Variants in PTPRD observed in about 807,000 individuals in gnomAD.
PTPRD encodes protein tyrosine phosphatase receptor type D.
In PTPRD, 34 loss-of-function variants were observed where a neutral mutation model predicts 214.5. That is an observed-to-expected ratio of 0.16 (90% CI 0.12 to 0.21). The LOEUF is 0.21. Ranked by LOEUF, PTPRD falls within the 10% of genes least tolerant of loss-of-function variation. The pLI is 1.00. For synonymous variants in PTPRD, 1,128 were observed against 845.7 expected, an observed-to-expected ratio of 1.33 and a Z score of -5.79; for missense variants, 2,545 against 2,398.7, an observed-to-expected ratio of 1.06 and a Z score of -1.27.
chr9:9,741,302 A>G (rs1422462124), intron 6 of PTPRD, among the ~76,000 whole-genome samples: 1 of 152,166 alleles, frequency 6.6e-6, no homozygotes, highest in East Asian at 1.9e-4. Flanking sequence ...AAAGAAGGAC[A>G]CAGAATTAAT....
intron 8 of PTPRD, among the ~76,000 whole-genome samples, chr9:9,505,417 G>T (rs1166431174): frequency 6.6e-6 from 1 of 151,432 alleles, no homozygotes; most frequent in African/African-American, 2.4e-5. Flanking sequence ...AATATAGGAT[G>T]TAAATATTTA....
intron 7 of PTPRD, among the ~76,000 whole-genome samples, chr9:9,606,561 G>T (rs186017081): frequency 6.6e-6 from 1 of 152,154 alleles, no homozygotes; most frequent in East Asian, 1.9e-4. Flanking sequence ...AATCTTGGCA[G>T]AAAGCTGTGC....
At position 8,826,876 on chromosome 9, in the gene PTPRD, G is replaced by T. The variant is rs916867590; in HGVS notation, c.-103-92930C>A. Among the ~76,000 whole-genome samples, 3 of 152,002 alleles carry T rather than the reference G, an allele frequency of 2.0e-5. No individual in the cohort carries two copies. In the East Asian group the frequency reaches 5.8e-4, roughly 29 times the overall value. On this transcript the variant is annotated intron_variant, in intron 11 of 45. Transcript: ENST00000381196. ...CCCAACTCTCTAACCCCACACACTG[G>T]TTCTCATCATATCTTTAAAAAAGCT...
intron 12 of PTPRD, among the ~76,000 whole-genome samples, chr9:8,666,844 ATCCATG>A (rs2097179886): frequency 6.6e-6 from 1 of 152,210 alleles, no homozygotes; most frequent in South Asian, 2.1e-4. Context: ...CACTTTGGCC[ATCCATG>A]ACCTCCGCCT....
At chr9:8,751,752 C>G (rs2093556685) in intron 11 of PTPRD, among the ~76,000 whole-genome samples, 1 of 152,172 alleles carries the variant, frequency 6.6e-6, no homozygotes, top group Non-Finnish European at 1.5e-5. Flanking sequence ...TCATTTAACT[C>G]CTCAGTGTTT....
At chr9:10,414,195 C>T (rs537633032) in intron 2 of PTPRD, among the ~76,000 whole-genome samples, 2,344 of 152,070 alleles carry the variant, frequency 0.015, 65 homozygotes, top group African/African-American at 0.053. Flanking sequence ...AAAATATTTG[C>T]AAACTACGTG....
At chr9:9,192,653 C>G (rs939667762) in intron 9 of PTPRD, among the ~76,000 whole-genome samples, 2 of 152,014 alleles carry the variant, frequency 1.3e-5, no homozygotes, top group Non-Finnish European at 2.9e-5. Flanking sequence ...TGCCTGAAAC[C>G]AGAGCTGCAC....
chr9:8,500,059 A>G (rs1014473033), intron 24 of PTPRD, among the ~76,000 whole-genome samples: 1 of 151,828 alleles, frequency 6.6e-6, no homozygotes, highest in Non-Finnish European at 1.5e-5. Flanking sequence ...GCAAAAAAAA[A>G]AAAAAAAAAT....
chr9:9,159,830 C>A (rs1005103716), intron 10 of PTPRD, among the ~76,000 whole-genome samples: 1 of 152,140 alleles, frequency 6.6e-6, no homozygotes, highest in Non-Finnish European at 1.5e-5. Flanking sequence ...TAATAAAAAT[C>A]TCATGGCACT....
chr9:9,018,991 AT>A (rs1432150852), intron 10 of PTPRD, among the ~76,000 whole-genome samples: 16 of 152,152 alleles, frequency 1.1e-4, no homozygotes, highest in Non-Finnish European at 2.4e-4. Flanking sequence ...TAGTTTTAAA[AT>A]ATTTAATGTA....
At chr9:9,374,050 ATAAAT>A (rs1361897555) in intron 9 of PTPRD, among the ~76,000 whole-genome samples, 2 of 152,076 alleles carry the variant, frequency 1.3e-5, no homozygotes, top group African/African-American at 4.8e-5. Context: ...CTAGATGGAA[ATAAAT>A]TAAGAAAAAT....
At chr9:9,396,879 A>G (rs2068042207) in intron 9 of PTPRD, among the ~76,000 whole-genome samples, 1 of 151,962 alleles carries the variant, frequency 6.6e-6, no homozygotes, top group Non-Finnish European at 1.5e-5. Context: ...AAGCACACAA[A>G]TATGTTGTGT....
chr9:10,173,787 C>G (rs997173229), intron 3 of PTPRD, among the ~76,000 whole-genome samples: 3 of 151,622 alleles, frequency 2.0e-5, no homozygotes, highest in Admixed American at 1.3e-4. Context: ...TCTCACAGCA[C>G]ACTAGATTGA....
At chr9:9,251,094 A>G (rs1296458749) in intron 9 of PTPRD, among the ~76,000 whole-genome samples, 1 of 152,046 alleles carries the variant, frequency 6.6e-6, no homozygotes, top group East Asian at 1.9e-4. Flanking sequence ...AAAATAAATG[A>G]AAGTCCAGAA....
At chr9:10,439,118 A>C (rs950755638) in intron 2 of PTPRD, among the ~76,000 whole-genome samples, 3 of 151,836 alleles carry the variant, frequency 2.0e-5, no homozygotes, top group Non-Finnish European at 4.4e-5. Flanking sequence ...CCACCAGCTT[A>C]AACTGTCAAC....
intron 5 of PTPRD, among the ~76,000 whole-genome samples, chr9:9,802,234 A>T (rs2099045353): frequency 6.6e-6 from 1 of 151,904 alleles, no homozygotes; most frequent in Admixed American, 6.6e-5. Context: ...ATGTAATGGA[A>T]GTGTTTGAGA....
intron 11 of PTPRD, among the ~76,000 whole-genome samples, chr9:8,946,686 A>G (rs1029387430): frequency 4.6e-5 from 7 of 151,990 alleles, no homozygotes; most frequent in African/African-American, 7.3e-5. Context: ...GTTTTCTTTT[A>G]TCTTCCTTTA....
intron 9 of PTPRD, among the ~76,000 whole-genome samples, chr9:9,315,456 T>C (rs1962229699): frequency 6.6e-6 from 1 of 151,984 alleles, no homozygotes; most frequent in Non-Finnish European, 1.5e-5. Flanking sequence ...AGAAAAGGAA[T>C]TTTAAGAGCC....
At chr9:9,739,035 AAATT>A (rs2098352909) in intron 6 of PTPRD, among the ~76,000 whole-genome samples, 1 of 152,194 alleles carries the variant, frequency 6.6e-6, no homozygotes, top group African/African-American at 2.4e-5. Flanking sequence ...TCATATATTA[AAATT>A]AATAATCTGG....
Sources: allele counts gnomAD v4.1 joint callset (sites outside exome capture counted in the v4.1 genomes callset), GRCh38; gene constraint gnomAD v4.1.1; transcripts MANE v1.5; gene names NCBI Gene and HGNC (gene_info 2026-07-23, HGNC 2026-07-21).